SPECC1: variants seen among roughly 807,000 people sequenced by gnomAD.
The protein encoded by SPECC1 is sperm antigen with calponin homology and coiled-coil domains 1.
A neutral mutation model predicts 104.1 loss-of-function variants in SPECC1; 62 were observed. That is an observed-to-expected ratio of 0.60 (90% CI 0.49 to 0.74). The LOEUF (loss-of-function observed/expected upper bound fraction) is 0.74. Ranked by LOEUF, SPECC1 falls within the 30% of genes least tolerant of loss-of-function variation. SPECC1 has a pLI of 0.00. For synonymous variants in SPECC1, 513 were observed against 501.6 expected, an observed-to-expected ratio of 1.02 and a Z score of -0.30; for missense variants, 1,306 against 1,310.5, an observed-to-expected ratio of 1.00 and a Z score of 0.05.
intron 3 of SPECC1, among the ~76,000 whole-genome samples, chr17:20,156,954 G>C (rs550304150): frequency 1.3e-5 from 2 of 152,192 alleles, no homozygotes; most frequent in Non-Finnish European, 2.9e-5. Context: ...TGATAGGAAA[G>C]AGGTGGTTGA....
chr17:20,018,294 C>T (rs1281525153), intron 1 of SPECC1, among the ~76,000 whole-genome samples: 2 of 152,136 alleles, frequency 1.3e-5, no homozygotes, highest in African/African-American at 2.4e-5. Flanking sequence ...AGTTGGCCAT[C>T]GGCACTCTTG....
chr17:20,222,189 T>C (rs890325641), intron 4 of SPECC1, among the ~76,000 whole-genome samples: 8 of 152,044 alleles, frequency 5.3e-5, no homozygotes, highest in Non-Finnish European at 7.4e-5. Flanking sequence ...CAAAATTAGC[T>C]GGGTGTGGTG....
At chr17:20,260,073 A>C (rs2039971705) in intron 11 of SPECC1, 119 bp from the exon 12 acceptor site, 1 of 682,592 alleles carries the variant, frequency 1.5e-6, no homozygotes, top group African/African-American at 1.8e-5. Context: ...CTGTTTCTTT[A>C]GAATCTTGCT....
chr17:20,175,502 T>A (rs1285443945), intron 3 of SPECC1, among the ~76,000 whole-genome samples: 1 of 152,242 alleles, frequency 6.6e-6, no homozygotes, highest in Non-Finnish European at 1.5e-5. Flanking sequence ...TTAAAACTTC[T>A]ATTCATTTCA....
intron 1 of SPECC1, among the ~76,000 whole-genome samples, chr17:20,082,936 A>G (rs995115146): frequency 1.3e-5 from 2 of 151,564 alleles, no homozygotes; most frequent in African/African-American, 4.9e-5. Context: ...TCTTTCTAGC[A>G]CTGGTTGCTG....
At chr17:20,248,562 A>C (rs145870044) in intron 9 of SPECC1, among the ~76,000 whole-genome samples, 7 of 152,164 alleles carry the variant, frequency 4.6e-5, no homozygotes, top group Non-Finnish European at 1.5e-5. Flanking sequence ...GACACTGTCT[A>C]TAATTTTTGA....
intron 3 of SPECC1, among the ~76,000 whole-genome samples, chr17:20,121,407 T>C (rs1270865209): frequency 6.6e-6 from 1 of 152,166 alleles, no homozygotes; most frequent in Admixed American, 6.5e-5. Context: ...AGTTTTGCTC[T>C]GTTGTCCAGG....
chr17:20,246,631 A>G (rs953454360), intron 8 of SPECC1, among the ~76,000 whole-genome samples: 1 of 152,210 alleles, frequency 6.6e-6, no homozygotes, highest in African/African-American at 2.4e-5. Context: ...CCCTTTAGTC[A>G]TGCTTATCTT....
rs1237453607 is a variant in SPECC1, at chr17:20,314,075, G to T, written c.*10G>T. On this transcript the variant is annotated 3_prime_UTR_variant, in exon 15 of 15. Coordinates refer to ENST00000395527, the MANE Select transcript of SPECC1 (RefSeq NM_001243439.2). Reference sequence around the variant, plus strand: ...GTACTTTGAGACGTAACCCTGGAGGGCCTGGGGCAGCCACCATTGCCACCT... The same window carrying T: ...GTACTTTGAGACGTAACCCTGGAGGTCCTGGGGCAGCCACCATTGCCACCT... 3 of 1,612,020 alleles carry T rather than the reference G, an allele frequency of 1.9e-6. No homozygotes were observed.
chr17:20,309,534 G>C (rs2041867783), intron 14 of SPECC1, among the ~76,000 whole-genome samples: 1 of 152,098 alleles, frequency 6.6e-6, no homozygotes, highest in South Asian at 2.1e-4. Context: ...TAGTTTTTCA[G>C]CCCTTGCCTC....
intron 2 of SPECC1, among the ~76,000 whole-genome samples, chr17:20,101,829 G>A (rs1181229192): frequency 5.3e-5 from 8 of 152,170 alleles, no homozygotes; most frequent in East Asian, 1.9e-4. Flanking sequence ...TTTGAGAAGC[G>A]GTGTCCAACC....
At chr17:20,271,756 T>C (rs1036869764) in intron 12 of SPECC1, among the ~76,000 whole-genome samples, 5 of 151,928 alleles carry the variant, frequency 3.3e-5, no homozygotes, top group Admixed American at 2.6e-4. Context: ...TTCTTTTTTT[T>C]CCCCTTTGTT....
At chr17:20,139,942 G>A (rs969434805) in intron 3 of SPECC1, among the ~76,000 whole-genome samples, 2 of 152,066 alleles carry the variant, frequency 1.3e-5, no homozygotes, top group Non-Finnish European at 2.9e-5. Flanking sequence ...CCAAAGTGCC[G>A]GGATTACAGG....
chr17:20,203,513 T>A (rs1376841176), intron 3 of SPECC1, among the ~76,000 whole-genome samples: 1 of 152,262 alleles, frequency 6.6e-6, no homozygotes, highest in African/African-American at 2.4e-5. Flanking sequence ...GGTATGTTCT[T>A]ATTTCATTTA....
chr17:20,215,833 T>C (rs948516550), intron 4 of SPECC1, among the ~76,000 whole-genome samples: 3 of 152,230 alleles, frequency 2.0e-5, no homozygotes, highest in Admixed American at 6.5e-5. Flanking sequence ...TCTCTATTCT[T>C]ATGGCTGCTT....
intron 13 of SPECC1, among the ~76,000 whole-genome samples, chr17:20,299,834 C>T (rs1027261825): frequency 1.3e-5 from 2 of 152,156 alleles, no homozygotes; most frequent in African/African-American, 2.4e-5. Flanking sequence ...GGCAGGCAGG[C>T]GATTGCACAG....
chr17:20,088,124 G>T (rs2047249249), intron 1 of SPECC1, among the ~76,000 whole-genome samples: 1 of 152,196 alleles, frequency 6.6e-6, no homozygotes, highest in East Asian at 1.9e-4. Context: ...AGGAAGCCTA[G>T]GAGCTTGGGG....
rs569476346 is a variant in SPECC1 at position 20,091,322 on chromosome 17, T to G, written c.-21-5309T>G. Among the ~76,000 whole-genome samples the G allele has an allele frequency of 2.0e-5, 3 of 152,294 alleles. No individual in the cohort carries two copies. In the East Asian group the frequency reaches 5.8e-4, roughly 29 times the overall value. The stretch of plus-strand genomic sequence containing the variant: ...CTGCGCCCCAACCAGATTTTCAGTG[T>G]TAATGTTTCCATGTTAGGTGGTGAG... On this transcript the variant is annotated intron_variant, in intron 1 of 14. Coordinates refer to ENST00000395527, the MANE Select transcript of SPECC1 (RefSeq NM_001243439.2).
At chr17:20,311,384 G>T (rs78093278) in intron 14 of SPECC1, among the ~76,000 whole-genome samples, 20,715 of 125,076 alleles carry the variant, frequency 0.17, 1,624 homozygotes, top group African/African-American at 0.31. Context: ...TTTTTTTTTT[G>T]TTTTTGTTTT....
Sources: allele counts gnomAD v4.1 joint callset (sites outside exome capture counted in the v4.1 genomes callset), GRCh38; gene constraint gnomAD v4.1.1; transcripts MANE v1.5; gene names NCBI Gene and HGNC (gene_info 2026-07-23, HGNC 2026-07-21).